The following PCDH15 variants were observed in gnomAD, a reference collection of about 807,000 sequenced individuals.
PCDH15 encodes the protein protocadherin-15.
PCDH15 carries 129 observed loss-of-function variants against 178.5 expected under a neutral mutation model. The ratio of observed to expected loss-of-function variants is 0.72; its 90% CI spans 0.63 to 0.84. The LOEUF is 0.84. Ranked by LOEUF, PCDH15 falls within the 40% of genes least tolerant of loss-of-function variation. The probability of loss-of-function intolerance (pLI) is 0.00; values close to 1 mark genes in which losing one functional copy is unlikely to be tolerated. For synonymous variants in PCDH15, 800 were observed against 732.0 expected (o/e 1.09, Z -1.50); for missense variants, 2,230 against 2,099.9 (o/e 1.06, Z -1.21).
At chr10:54,067,172 T>C (rs139892470) in intron 17 of PCDH15, among the ~76,000 whole-genome samples, 39 of 152,328 alleles carry the variant, frequency 2.6e-4, no homozygotes, top group African/African-American at 7.5e-4. Context: ...TTTACCTTTA[T>C]CTTGTTCACA....
intron 3 of PCDH15, among the ~76,000 whole-genome samples, chr10:54,414,398 C>T (rs1258674933): frequency 2.0e-5 from 3 of 152,020 alleles, no homozygotes; most frequent in Non-Finnish European, 4.4e-5. Context: ...TGAATAATCA[C>T]CAGGTAACTC....
chr10:54,026,351 T>A (rs146183172), intron 18 of PCDH15, among the ~76,000 whole-genome samples: 232 of 152,282 alleles, frequency 1.5e-3, no homozygotes, highest in African/African-American at 5.3e-3. Flanking sequence ...ATTACAGGCA[T>A]GAGCCATCTC....
At chr10:54,792,567 A>G (rs902221075) in intron 1 of PCDH15, among the ~76,000 whole-genome samples, 16 of 151,900 alleles carry the variant, frequency 1.1e-4, no homozygotes, top group South Asian at 1.0e-3. Flanking sequence ...AAACCACTGA[A>G]GTCCCGAACA....
At chr10:55,572,721 A>C (rs1842429306) in intron 2 of PCDH15, among the ~76,000 whole-genome samples, 1 of 152,006 alleles carries the variant, frequency 6.6e-6, no homozygotes. Flanking sequence ...CTATGAGAAA[A>C]CAGGTCTCTC....
chr10:55,463,981 AAGAAAGAAAG>A lies in PCDH15; in HGVS notation c.-156+163634_-156+163643del, dbSNP rs1485318107. 2.9e-4 allele frequency among the ~76,000 whole-genome samples: 11 copies of A among 37,800 alleles called. 1 individual carries two copies. Among genetic ancestry groups the A allele is most frequent in the African/African-American group, 2.3e-3 (9 of 3,888 alleles). 24.8% of individuals were successfully genotyped at this position (37,800 alleles called of 152,430 possible). A position where few individuals can be genotyped will look rare whatever the true frequency, so the allele number is the denominator to read the frequency against. On this transcript the variant is annotated intron_variant, in intron 2 of 5. Transcript: ENST00000613346. ...AGAAAGAAAGAAAGAAAGAGAAAGA[AAGAAAGAAAG>A]AGAAAGAAAGAAAGAAAGAAAGAAA...
intron 18 of PCDH15, among the ~76,000 whole-genome samples, chr10:54,036,559 ATG>A (rs2093421717): frequency 6.6e-6 from 1 of 151,848 alleles, no homozygotes. Context: ...TTTTAAGCCC[ATG>A]GTTGAGTCCT....
At chr10:55,134,297 A>T (rs1032369795) in intron 2 of PCDH15, among the ~76,000 whole-genome samples, 1 of 152,142 alleles carries the variant, frequency 6.6e-6, no homozygotes, top group Admixed American at 6.5e-5. Flanking sequence ...TGCACAGCTA[A>T]TTATCTCTGC....
chr10:54,068,481 T>C (rs11004034), intron 17 of PCDH15, among the ~76,000 whole-genome samples: 32,290 of 152,126 alleles, frequency 0.21, 3,633 homozygotes, highest in Non-Finnish European at 0.25. Flanking sequence ...AGTAGATGGT[T>C]ATACAGGATT....
At chr10:55,592,448 T>C (rs2132133291) in intron 2 of PCDH15, among the ~76,000 whole-genome samples, 1 of 152,308 alleles carries the variant, frequency 6.6e-6, no homozygotes, top group Non-Finnish European at 1.5e-5. Context: ...GCCAGGCAGC[T>C]CTGTCCTCAC....
At chr10:54,411,350 A>T (rs1953481834) in intron 3 of PCDH15, among the ~76,000 whole-genome samples, 1 of 152,186 alleles carries the variant, frequency 6.6e-6, no homozygotes, top group South Asian at 2.1e-4. Context: ...TTAAAAAATG[A>T]CAACTGTAGT....
chr10:54,399,746 G>A lies in PCDH15; in HGVS notation c.158-20804C>T, dbSNP rs185535414. ...AGGAATGAGGAGACCTCAGCAGTAA[G>A]ACGCTGGGCTGTGCAGCCACATCCG... On this transcript the variant is annotated intron_variant, in intron 3 of 37. Transcript: ENST00000644397. Among the ~76,000 whole-genome samples, 327 of 152,190 alleles carry A rather than the reference G, an allele frequency of 2.1e-3. 1 individual carries two copies. The highest frequency in any genetic ancestry group is 0.017 in the Middle Eastern group (5 of 294).
chr10:53,938,196 C>A (rs148189145), intron 25 of PCDH15, among the ~76,000 whole-genome samples: 1 of 151,894 alleles, frequency 6.6e-6, no homozygotes, highest in Admixed American at 6.6e-5. Flanking sequence ...TGTTGAAGTT[C>A]GGAGTCACAG....
intron 2 of PCDH15, among the ~76,000 whole-genome samples, chr10:55,007,077 G>C (rs11004670): frequency 0.055 from 8,317 of 152,050 alleles, 410 homozygotes; most frequent in African/African-American, 0.12. Flanking sequence ...TATGTGATGT[G>C]CTTGCTCCTG....
chr10:54,254,503 A>G (rs1185305353), intron 8 of PCDH15, among the ~76,000 whole-genome samples: 1 of 152,122 alleles, frequency 6.6e-6, no homozygotes, highest in Non-Finnish European at 1.5e-5. Flanking sequence ...AATAACCACC[A>G]ATAGCATGGT....
intron 3 of PCDH15, among the ~76,000 whole-genome samples, chr10:54,851,656 A>C (rs1006920707): frequency 6.6e-6 from 1 of 152,068 alleles, no homozygotes; most frequent in Non-Finnish European, 1.5e-5. Flanking sequence ...GTGCAGTGGC[A>C]TGACCTCGGC....
At chr10:54,843,936 T>G (rs547377384) in intron 3 of PCDH15, among the ~76,000 whole-genome samples, 147 of 152,168 alleles carry the variant, frequency 9.7e-4, no homozygotes, top group African/African-American at 3.4e-3. Flanking sequence ...CGATTTAACA[T>G]GTCTTGTGAC....
intron 25 of PCDH15, among the ~76,000 whole-genome samples, chr10:53,920,601 G>A (rs2926396): frequency 0.74 from 111,828 of 151,912 alleles, 41,577 homozygotes; most frequent in East Asian, 1. Context: ...AAGTAGAGCG[G>A]AAACAGAAGT....
intron 18 of PCDH15, among the ~76,000 whole-genome samples, chr10:54,052,283 A>G (rs538085876): frequency 2.6e-5 from 4 of 152,280 alleles, no homozygotes; most frequent in African/African-American, 7.2e-5. Context: ...GAAAAGCCGC[A>G]GGCACTCAAT....
At chr10:54,451,738 C>CACTATCTAACAAAACATTTAAACAAAA (rs1385695468) in intron 3 of PCDH15, among the ~76,000 whole-genome samples, 1 of 151,850 alleles carries the variant, frequency 6.6e-6, no homozygotes, top group East Asian at 1.9e-4. Flanking sequence ...ATAGTATCTT[C>CACTATCTAACAAAACATTTAAACAAAA]ACATTAATTT....
Sources: allele counts gnomAD v4.1 joint callset (sites outside exome capture counted in the v4.1 genomes callset), GRCh38; gene constraint gnomAD v4.1.1; transcripts MANE v1.5; gene names NCBI Gene and HGNC (gene_info 2026-07-23, HGNC 2026-07-21).